LYPD5: variants seen among roughly 807,000 people sequenced by gnomAD.
The protein encoded by LYPD5 is LY6/PLAUR domain containing 5, also known as ly6/PLAUR domain-containing protein 5.
LYPD5 carries 21 observed loss-of-function variants against 19.1 expected under a neutral mutation model. The ratio of observed to expected loss-of-function variants is 1.10; its 90% confidence interval spans 0.78 to 1.58. The LOEUF (loss-of-function observed/expected upper bound fraction) is 1.58. LYPD5 is among the 40% of genes most tolerant of loss of function. The pLI is 0.00. For missense variants in LYPD5, 287 were observed against 329.8 expected (o/e 0.87, Z 1.00); for synonymous variants, 128 against 142.7 (o/e 0.90, Z 0.74).
At chr19:43,818,598 C>T (rs1970392636) in intron 1 of LYPD5, among the ~76,000 whole-genome samples, 1 of 152,156 alleles carries the variant, frequency 6.6e-6, no homozygotes, top group Admixed American at 6.5e-5. Flanking sequence ...CAGGAAAGCC[C>T]TGGGGCTTGA....
Position 43,797,368 on chromosome 19 carries a change from GA to G in LYPD5, c.*222del. 1 of 539,342 alleles carries G rather than the reference GA, an allele frequency of 1.9e-6. No homozygotes were observed. The highest frequency in any genetic ancestry group is 2.6e-5 in the South Asian group (1 of 38,340). The allele number at this position is 539,342 out of a possible 1,614,324, so 33.4% of individuals were successfully genotyped here. On this transcript the variant is annotated 3_prime_UTR_variant, in exon 5 of 5. Transcript: ENST00000377950. The stretch of plus-strand genomic sequence containing the variant: ...TCAGAATTGCTCTTCATCGGGGCAC[GA>G]CATGGCTGTTTTGCCCTCCCCGGGG...
rs1417963908 is a variant in LYPD5, at chr19:43,798,799, C to T, written c.370+13G>A. The T allele has an allele frequency of 1.2e-6, 2 of 1,601,648 alleles. No individual in the cohort carries two copies. Among genetic ancestry groups the T allele is most frequent in the Admixed American group, 3.5e-5 (2 of 57,826 alleles). ...TCGTCCCTCCCGGAGCCCAGCCCCG[C>T]TCTCCCGCGCACCTTGGCTCAGGTT... On this transcript the variant is annotated intron_variant, in intron 3 of 4. Coordinates refer to ENST00000377950, the MANE Select transcript of LYPD5 (RefSeq NM_001031749.3).
upstream of LYPD5, chr19:43,802,563 T>TACCAC: frequency 3.9e-6 from 1 of 253,910 alleles, no homozygotes; most frequent in Non-Finnish European, 6.6e-6. Context: ...CCTCAGTTGC[T>TACCAC]GGAGATCTAC....
At chr19:43,815,467 G>A (rs529666072) in intron 1 of LYPD5, among the ~76,000 whole-genome samples, 2 of 151,768 alleles carry the variant, frequency 1.3e-5, no homozygotes, top group Admixed American at 6.6e-5. Flanking sequence ...CCAGTTACTC[G>A]GGAGGCTGAG....
chr19:43,809,483 C>A (rs552123230), intron 1 of LYPD5, among the ~76,000 whole-genome samples: 1 of 151,630 alleles, frequency 6.6e-6, no homozygotes, highest in Non-Finnish European at 1.5e-5. Context: ...CGGGTTCAAG[C>A]GATTCTCCTG....
chr19:43,817,830 C>T (rs561870728), intron 1 of LYPD5, among the ~76,000 whole-genome samples: 14 of 152,186 alleles, frequency 9.2e-5, no homozygotes, highest in African/African-American at 3.4e-4. Context: ...TATTCCCCTG[C>T]CTCAGCCTCC....
Position 43,802,415 on chromosome 19 carries a change from C to G in LYPD5, c.-35G>C. On this transcript the variant is annotated 5_prime_UTR_variant, in exon 1 of 5. Transcript: ENST00000377950. ...GGGCCACCTGGGACAGCTCCTCCCG[C>G]TGTGATGTGCTGCCTGGCTGGTTCT... The G allele has an allele frequency of 1.3e-6, 2 of 1,542,230 alleles. No homozygotes were observed. Among genetic ancestry groups the G allele is most frequent in the Non-Finnish European group, 1.8e-6 (2 of 1,138,548 alleles).
chr19:43,816,039 T>C (rs1413162156), intron 1 of LYPD5, among the ~76,000 whole-genome samples: 2 of 107,762 alleles, frequency 1.9e-5, no homozygotes. Flanking sequence ...CCACTCTATC[T>C]ATCTATCTAT....
chr19:43,797,932 G>A, intron 4 of LYPD5, 103 bp from the exon 5 acceptor site: 1 of 903,346 alleles, frequency 1.1e-6, no homozygotes, highest in Non-Finnish European at 1.7e-6. Context: ...CCTCAGACTT[G>A]CTTCAGGTTT....
rs1436029985 is a variant in LYPD5 at position 43,797,705 on chromosome 19, G to C, written c.642C>G (p.Asn214Lys). 1.2e-6 allele frequency: 2 copies of C among 1,613,866 alleles called. No individual in the cohort carries two copies. The highest frequency in any genetic ancestry group is 1.7e-6 in the Non-Finnish European group (2 of 1,179,904). The change falls in exon 5 of 5, where the codon AAC (asparagine) becomes AAG (lysine). Residue 214 changes from asparagine (N) to lysine (K), a missense_variant. Asn to Lys is a moderately conservative substitution (Grantham distance 94, BLOSUM62 0). Transcript: ENST00000377950. The stretch of plus-strand genomic sequence containing the variant: ...TGAAGGGCTGGGTCATGGATTTCCT[G>C]TTGCAGAGGTACCCCTCACAGCAGG... The part of the protein sequence containing the change: ...QGSCCEGYLC[N>K]RKSMTQPFTS...
intron 1 of LYPD5, among the ~76,000 whole-genome samples, chr19:43,814,843 C>T (rs1186880674): frequency 1.3e-5 from 2 of 152,316 alleles, no homozygotes; most frequent in African/African-American, 4.8e-5. Context: ...CCAAATCGCA[C>T]TATGACTTAG....
At chr19:43,807,282 TTTTTC>T (rs1452600854), upstream of LYPD5, among the ~76,000 whole-genome samples, 32 of 145,618 alleles carry the variant, frequency 2.2e-4, 1 homozygote, top group Admixed American at 4.8e-4. Context: ...TTTTCTTTTC[TTTTTC>T]TTTTTTTTTT....
intron 1 of LYPD5, among the ~76,000 whole-genome samples, chr19:43,819,537 T>C (rs987108592): frequency 6.6e-6 from 1 of 152,098 alleles, no homozygotes; most frequent in South Asian, 2.1e-4. Flanking sequence ...GTAGCTTAAA[T>C]AACACATGGT....
chr19:43,812,378 A>ATCTATC (rs1568406587), intron 1 of LYPD5, among the ~76,000 whole-genome samples: 551 of 54,956 alleles, frequency 0.01, 2 homozygotes, highest in African/African-American at 0.032. Flanking sequence ...TCTATCTATC[A>ATCTATC]ATCTATCATC....
chr19:43,812,376 TC>T (rs1168585105), intron 1 of LYPD5, among the ~76,000 whole-genome samples: 12 of 101,708 alleles, frequency 1.2e-4, no homozygotes, highest in Non-Finnish European at 2.0e-4. Context: ...TATCTATCTA[TC>T]AATCTATCAT....
intron 4 of LYPD5, 137 bp downstream of exon 4, chr19:43,798,318 C>T (rs1201868419): frequency 3.3e-5 from 37 of 1,122,468 alleles, no homozygotes; most frequent in Non-Finnish European, 4.8e-5. Context: ...CAAACCTTCT[C>T]CCTCAGACCA....
chr19:43,804,444 A>G (rs1970254675), upstream of LYPD5, among the ~76,000 whole-genome samples: 1 of 151,758 alleles, frequency 6.6e-6, no homozygotes, highest in South Asian at 2.1e-4. Flanking sequence ...CACCTCCCCC[A>G]TTGTCCTCCA....
In LYPD5 at chr19:43,799,630, C is replaced by T. The variant is rs1000626487; in HGVS notation, c.193+76G>A. ...ATCTTTTCATCTTCTACTCAATTCCCCTCCCTTTCTGCTCCCCTCTCCCCC... is the reference window on the plus strand; with the variant it reads ...ATCTTTTCATCTTCTACTCAATTCCTCTCCCTTTCTGCTCCCCTCTCCCCC... On this transcript the variant is annotated intron_variant, in intron 2 of 4. Coordinates refer to ENST00000377950, the MANE Select transcript of LYPD5 (RefSeq NM_001031749.3). 4.2e-6 allele frequency: 6 copies of T among 1,420,542 alleles called. No individual in the cohort carries two copies. The African/African-American group carries it at 5.7e-5, about 13-fold the overall frequency. The allele number at this position is 1,420,542 out of a possible 1,614,324, so 88.0% of individuals were successfully genotyped here. A position where few individuals can be genotyped will look rare whatever the true frequency, so the allele number is the denominator to read the frequency against.
chr19:43,807,631 T>C (rs373930691), intron 1 of LYPD5, among the ~76,000 whole-genome samples: 1 of 152,320 alleles, frequency 6.6e-6, no homozygotes, highest in African/African-American at 2.4e-5. Flanking sequence ...ACCTGTGTTG[T>C]TGCAGGCTAG....
Sources: gnomAD v4.1 joint callset for allele counts (sites outside exome capture counted in the v4.1 genomes callset) on GRCh38, gnomAD v4.1.1 for gene constraint, MANE v1.5 for transcripts, NCBI Gene and HGNC (gene_info 2026-07-23, HGNC 2026-07-21) for gene names.